The following TSPAN9 variants were observed in gnomAD, a reference collection of about 807,000 sequenced individuals.
The protein encoded by TSPAN9 is tetraspanin-9.
Under a neutral mutation model 31.0 loss-of-function variants are expected in TSPAN9, and 16 were observed. That is an observed-to-expected ratio of 0.52 (90% CI 0.35 to 0.78). The LOEUF (loss-of-function observed/expected upper bound fraction) is 0.78. TSPAN9 is among the 30% of genes least tolerant of loss of function. TSPAN9 has a pLI of 0.01. For synonymous variants in TSPAN9, 145 were observed against 121.6 expected (o/e 1.19, Z -1.27); for missense variants, 272 against 312.5 (o/e 0.87, Z 0.98).
Position 3,258,265 on chromosome 12 carries a change from G to A in TSPAN9, c.64-20156G>A, listed in dbSNP as rs566840011. ...GGTGCAGCTTGCTCAGTCTCGGGCT[G>A]AGTCCACAGGCTCTGGGGGTTCAAG... On this transcript the variant is annotated intron_variant, in intron 3 of 8. Coordinates refer to ENST00000011898, the MANE Select transcript of TSPAN9 (RefSeq NM_006675.5). Among the ~76,000 whole-genome samples, 148 of 152,220 alleles carry A rather than the reference G, an allele frequency of 9.7e-4. 1 individual carries two copies. Among genetic ancestry groups the A allele is most frequent in the Non-Finnish European group, 1.9e-3 (128 of 68,040 alleles).
At chr12:3,103,158 A>G (rs2098312643) in intron 2 of TSPAN9, among the ~76,000 whole-genome samples, 1 of 152,184 alleles carries the variant, frequency 6.6e-6, no homozygotes, top group South Asian at 2.1e-4. Flanking sequence ...CTTAAAATGC[A>G]CTCACTGAAA....
intron 2 of TSPAN9, among the ~76,000 whole-genome samples, chr12:3,197,100 G>C (rs974600638): frequency 2.6e-5 from 4 of 152,140 alleles, no homozygotes; most frequent in Admixed American, 1.3e-4. Context: ...ACACCTCTAG[G>C]GGGTAGGCTC....
chr12:3,102,287 C>T (rs1347378690), intron 2 of TSPAN9, among the ~76,000 whole-genome samples: 1 of 151,988 alleles, frequency 6.6e-6, no homozygotes, highest in Non-Finnish European at 1.5e-5. Context: ...TCATGCCCTG[C>T]CAACATTTTT....
chr12:3,227,673 A>G (rs1296025709), intron 3 of TSPAN9, among the ~76,000 whole-genome samples: 4 of 151,564 alleles, frequency 2.6e-5, no homozygotes, highest in Non-Finnish European at 4.4e-5. Context: ...ACGGACTCAC[A>G]CTCCATCTCC....
chr12:3,111,639 ACT>A (rs2098318789), intron 2 of TSPAN9, among the ~76,000 whole-genome samples: 1 of 147,140 alleles, frequency 6.8e-6, no homozygotes, highest in Non-Finnish European at 1.5e-5. Flanking sequence ...ACAGAGACAG[ACT>A]CTCACTCTGC....
At chr12:3,093,063 C>T (rs922551268) in intron 2 of TSPAN9, among the ~76,000 whole-genome samples, 3 of 152,112 alleles carry the variant, frequency 2.0e-5, no homozygotes, top group Non-Finnish European at 4.4e-5. Context: ...AGAGTCCTGG[C>T]GTTGTCCTGA....
intron 3 of TSPAN9, among the ~76,000 whole-genome samples, chr12:3,228,621 G>A (rs1418734416): frequency 6.6e-6 from 1 of 152,254 alleles, no homozygotes; most frequent in Non-Finnish European, 1.5e-5. Context: ...GCCCTGTGCT[G>A]CCTGGCTGCA....
At chr12:3,195,438 AT>A (rs1302921396) in intron 2 of TSPAN9, among the ~76,000 whole-genome samples, 4 of 152,094 alleles carry the variant, frequency 2.6e-5, no homozygotes, top group Admixed American at 6.6e-5. Flanking sequence ...TAAAAAAAAA[AT>A]AAAAGAAAAG....
At chr12:3,270,485 T>C (rs926441077) in intron 3 of TSPAN9, among the ~76,000 whole-genome samples, 1 of 152,186 alleles carries the variant, frequency 6.6e-6, no homozygotes, top group Non-Finnish European at 1.5e-5. Context: ...TTCTCCCTGC[T>C]CCCAGGGCTA....
At chr12:3,185,822 A>T (rs1402354499) in intron 2 of TSPAN9, among the ~76,000 whole-genome samples, 2 of 152,056 alleles carry the variant, frequency 1.3e-5, no homozygotes, top group Admixed American at 1.3e-4. Context: ...TGGGGAATGG[A>T]TGTAGCTGGA....
chr12:3,114,492 G>A (rs2153965645), intron 2 of TSPAN9, among the ~76,000 whole-genome samples: 1 of 152,240 alleles, frequency 6.6e-6, no homozygotes, highest in South Asian at 2.1e-4. Context: ...ACACTGGCAG[G>A]AGGTGGTGAA....
intron 3 of TSPAN9, among the ~76,000 whole-genome samples, chr12:3,274,043 AG>A (rs1862735723): frequency 6.6e-6 from 1 of 151,568 alleles, no homozygotes; most frequent in Non-Finnish European, 1.5e-5. Context: ...GGGATAGGGT[AG>A]GGGGCGGGGT....
chr12:3,233,710 TTGAC>T (rs1239909108), intron 3 of TSPAN9, among the ~76,000 whole-genome samples: 1 of 152,262 alleles, frequency 6.6e-6, no homozygotes, highest in South Asian at 2.1e-4. Context: ...GTGAGCATCT[TTGAC>T]TGTGTACATT....
chr12:3,138,465 CT>C (rs1256692506), intron 2 of TSPAN9, among the ~76,000 whole-genome samples: 1 of 124,220 alleles, frequency 8.1e-6, no homozygotes, highest in Non-Finnish European at 1.8e-5. Flanking sequence ...CCTCCCGTTT[CT>C]TTTTTTCTTT....
chr12:3,178,102 C>T (rs2098356830), intron 2 of TSPAN9, among the ~76,000 whole-genome samples: 1 of 152,100 alleles, frequency 6.6e-6, no homozygotes. Flanking sequence ...GCTGGCCTTT[C>T]CCCGCTGTAT....
chr12:3,212,896 A>G (rs2098379479), intron 3 of TSPAN9, among the ~76,000 whole-genome samples: 1 of 152,112 alleles, frequency 6.6e-6, no homozygotes, highest in East Asian at 1.9e-4. Flanking sequence ...GGGCTCGAGG[A>G]TCTGGAGGAT....
intron 3 of TSPAN9, among the ~76,000 whole-genome samples, chr12:3,252,253 C>G (rs1189815895): frequency 6.6e-6 from 1 of 152,212 alleles, no homozygotes; most frequent in Non-Finnish European, 1.5e-5. Flanking sequence ...CTCCCTGGTG[C>G]TGGTGTGGCC....
chr12:3,282,083 G>T (rs555866516), intron 8 of TSPAN9: 4 of 658,436 alleles, frequency 6.1e-6, no homozygotes, highest in African/African-American at 5.3e-5. Flanking sequence ...AACCCCCGTG[G>T]GTTCCCCCAG....
intron 3 of TSPAN9, among the ~76,000 whole-genome samples, chr12:3,274,406 T>TGA (rs25567): frequency 0.47 from 71,916 of 151,526 alleles, 17,527 homozygotes; most frequent in Middle Eastern, 0.55. Context: ...AGCAGCATGA[T>TGA]GAGAGGCATT....
Sources: gnomAD v4.1 joint callset for allele counts (sites outside exome capture counted in the v4.1 genomes callset) on GRCh38, gnomAD v4.1.1 for gene constraint, MANE v1.5 for transcripts, NCBI Gene and HGNC (gene_info 2026-07-23, HGNC 2026-07-21) for gene names.